The following SLC44A5 variants were observed in gnomAD, a reference collection of about 807,000 sequenced individuals.
SLC44A5 encodes the protein choline transporter-like protein 5.
SLC44A5 carries 57 observed loss-of-function variants against 101.8 expected under a neutral mutation model. That is an observed-to-expected ratio of 0.56 (90% CI 0.45 to 0.70). The LOEUF is 0.70. SLC44A5 is among the 30% of genes least tolerant of loss of function. The pLI, the probability that SLC44A5 is intolerant of heterozygous loss-of-function variation, is 0.00. For missense variants in SLC44A5, 737 were observed against 853.1 expected (o/e 0.86, Z 1.70); for synonymous variants, 281 against 290.9 (o/e 0.97, Z 0.35).
intron 4 of SLC44A5, among the ~76,000 whole-genome samples, chr1:75,326,910 C>A (rs1291354538): frequency 6.6e-6 from 1 of 152,120 alleles, no homozygotes; most frequent in South Asian, 2.1e-4. Flanking sequence ...GATAAACTCG[C>A]CTATCTACAG....
intron 1 of SLC44A5, among the ~76,000 whole-genome samples, chr1:75,571,521 T>C (rs1673070804): frequency 6.6e-6 from 1 of 152,168 alleles, no homozygotes. Flanking sequence ...AGTACCCATA[T>C]AACCATTCTG....
intron 2 of SLC44A5, among the ~76,000 whole-genome samples, chr1:75,418,693 T>G (rs1439604139): frequency 6.6e-6 from 1 of 152,208 alleles, no homozygotes; most frequent in African/African-American, 2.4e-5. Context: ...ATGCAGGGCC[T>G]CTGTGCCTGG....
chr1:75,387,545 A>C (rs1282831882), intron 3 of SLC44A5, among the ~76,000 whole-genome samples: 1 of 63,050 alleles, frequency 1.6e-5, no homozygotes, highest in African/African-American at 6.2e-5. Flanking sequence ...GGCAATCATT[A>C]AAAAGTCAGG....
chr1:75,421,222 A>T (rs1481529684), intron 2 of SLC44A5, among the ~76,000 whole-genome samples: 1 of 152,114 alleles, frequency 6.6e-6, no homozygotes, highest in Non-Finnish European at 1.5e-5. Context: ...ATCATGTTAT[A>T]TTATTTTAAT....
chr1:75,415,026 G>A (rs1194132527), intron 2 of SLC44A5, among the ~76,000 whole-genome samples: 2 of 152,214 alleles, frequency 1.3e-5, no homozygotes, highest in East Asian at 3.8e-4. Context: ...ATGATGCAAA[G>A]AGACCAGTCA....
chr1:75,220,506 A>G (rs895311682), intron 14 of SLC44A5, among the ~76,000 whole-genome samples: 2 of 152,108 alleles, frequency 1.3e-5, no homozygotes, highest in Non-Finnish European at 2.9e-5. Flanking sequence ...GGAAAATATA[A>G]TGTCTATTTG....
rs568673549 is a variant in SLC44A5 at position 75,457,758 on chromosome 1, G to A, written c.14-61137C>T. 2.6e-5 allele frequency among the ~76,000 whole-genome samples: 4 copies of A among 152,236 alleles called. No homozygotes were observed. The South Asian group carries it at 8.3e-4, about 32-fold the overall frequency. On this transcript the variant is annotated intron_variant, in intron 2 of 23. Coordinates refer to ENST00000370859, the MANE Select transcript of SLC44A5 (RefSeq NM_001130058.2). Reference sequence around the variant, plus strand: ...CTGTAATCCAGCTACTAGGGAGGCTGAGGCAGGAAAATAGCTTGAACCCGC... The same window carrying A: ...CTGTAATCCAGCTACTAGGGAGGCTAAGGCAGGAAAATAGCTTGAACCCGC...
the SLC44A5 span, among the ~76,000 whole-genome samples, chr1:75,650,536 T>G: frequency 6.6e-6 from 1 of 152,352 alleles, no homozygotes; most frequent in African/African-American, 2.4e-5. Flanking sequence ...TTCATCAATC[T>G]GCCACAGGGT....
chr1:75,364,203 G>A (rs553396341), intron 3 of SLC44A5, among the ~76,000 whole-genome samples: 1 of 152,154 alleles, frequency 6.6e-6, no homozygotes, highest in Admixed American at 6.6e-5. Context: ...TTCTTGCATT[G>A]CTATAAAGAA....
intron 3 of SLC44A5, among the ~76,000 whole-genome samples, chr1:75,355,998 G>A (rs1390475834): frequency 6.6e-6 from 1 of 151,794 alleles, no homozygotes; most frequent in Non-Finnish European, 1.5e-5. Flanking sequence ...GATCATCTGA[G>A]GTCAGGAGTT....
At chr1:75,411,407 T>G (rs1014457217) in intron 2 of SLC44A5, among the ~76,000 whole-genome samples, 5 of 152,104 alleles carry the variant, frequency 3.3e-5, no homozygotes, top group Admixed American at 6.6e-5. Flanking sequence ...CTTTGGAGAA[T>G]GCATAATTAC....
intron 1 of SLC44A5, among the ~76,000 whole-genome samples, chr1:75,576,792 A>C (rs1158218683): frequency 6.6e-6 from 1 of 152,058 alleles, no homozygotes; most frequent in African/African-American, 2.4e-5. Context: ...GTGATGTCAG[A>C]CTGCCCAGGC....
chr1:75,473,689 A>G (rs973931116), intron 2 of SLC44A5, among the ~76,000 whole-genome samples: 7 of 152,224 alleles, frequency 4.6e-5, no homozygotes, highest in African/African-American at 1.4e-4. Flanking sequence ...TTCTAGCACT[A>G]TAATCAGCAT....
At chr1:75,364,982 T>A (rs2101133309) in intron 3 of SLC44A5, among the ~76,000 whole-genome samples, 2 of 152,272 alleles carry the variant, frequency 1.3e-5, no homozygotes, top group South Asian at 4.1e-4. Flanking sequence ...GAATTGTGGC[T>A]TTTGATTGGA....
intron 2 of SLC44A5, among the ~76,000 whole-genome samples, chr1:75,462,317 A>G (rs932756774): frequency 3.9e-5 from 6 of 152,242 alleles, no homozygotes; most frequent in African/African-American, 1.2e-4. Flanking sequence ...CAAGAACCAC[A>G]GTGTTACTGG....
At chr1:75,572,452 A>G (rs1673123913) in intron 1 of SLC44A5, among the ~76,000 whole-genome samples, 1 of 152,232 alleles carries the variant, frequency 6.6e-6, no homozygotes, top group South Asian at 2.1e-4. Context: ...TATAAAACCT[A>G]TTGAGAAAGA....
intron 1 of SLC44A5, among the ~76,000 whole-genome samples, chr1:75,604,422 A>G (rs1259931613): frequency 6.6e-6 from 1 of 152,072 alleles, no homozygotes; most frequent in African/African-American, 2.4e-5. Context: ...GTAGCCTTAC[A>G]ATATAGTTTG....
At chr1:75,671,977 G>A in the SLC44A5 span, among the ~76,000 whole-genome samples, 6 of 152,280 alleles carry the variant, frequency 3.9e-5, no homozygotes, top group East Asian at 3.9e-4. Context: ...CTTGGAGGAC[G>A]TAGAGCAACA....
At chr1:75,698,094 C>A in the SLC44A5 span, among the ~76,000 whole-genome samples, 1 of 152,170 alleles carries the variant, frequency 6.6e-6, no homozygotes, top group East Asian at 1.9e-4. Context: ...CCGCCATTGC[C>A]CAGGCTTGCT....
Sources: gnomAD v4.1 joint callset for allele counts (sites outside exome capture counted in the v4.1 genomes callset) on GRCh38, gnomAD v4.1.1 for gene constraint, MANE v1.5 for transcripts, NCBI Gene and HGNC (gene_info 2026-07-23, HGNC 2026-07-21) for gene names.